Variants in MAP3K14 observed in about 807,000 individuals in gnomAD.
MAP3K14 encodes NF-kappa-beta-inducing kinase.
MAP3K14 carries 16 observed loss-of-function variants against 99.2 expected under a neutral mutation model. The observed-to-expected ratio is 0.16, with a 90% CI of 0.11 to 0.24. MAP3K14 has a LOEUF of 0.24. Among genes scored for constraint, MAP3K14 ranks in the 10% least tolerant of loss-of-function variants. MAP3K14 has a pLI of 1.00. For missense variants in MAP3K14, 784 were observed against 1,208.7 expected, an observed-to-expected ratio of 0.65 and a Z score of 5.21; for synonymous variants, 462 against 492.4, an observed-to-expected ratio of 0.94 and a Z score of 0.82.
At chr17:45,283,579 A>T (rs1243606968) in intron 6 of MAP3K14, among the ~76,000 whole-genome samples, 1 of 152,158 alleles carries the variant, frequency 6.6e-6, no homozygotes, top group Non-Finnish European at 1.5e-5. Context: ...CGGTGGTGGC[A>T]GCGTCTGCTC....
intron 1 of MAP3K14, among the ~76,000 whole-genome samples, chr17:45,306,824 C>T (rs2044434048): frequency 6.6e-6 from 1 of 152,114 alleles, no homozygotes; most frequent in African/African-American, 2.4e-5. Flanking sequence ...GAAAAGACGC[C>T]ACAGGGGGCA....
intron 9 of MAP3K14, among the ~76,000 whole-genome samples, chr17:45,271,939 C>T (rs568668064): frequency 6.6e-6 from 1 of 152,092 alleles, no homozygotes; most frequent in East Asian, 1.9e-4. Flanking sequence ...GCGTAAAAGA[C>T]TGAAAGGATA....
rs139725311 is a variant in MAP3K14, at chr17:45,275,356, T to A, written c.1291-763A>T. Among the ~76,000 whole-genome samples the A allele has an allele frequency of 8.0e-3, 1,205 of 151,562 alleles. 15 individuals are homozygous for A. Among genetic ancestry groups the A allele is most frequent in the Middle Eastern group, 0.058 (17 of 294 alleles). On this transcript the variant is annotated intron_variant, in intron 6 of 15. Transcript: ENST00000344686. ...GGTGGCACGTGGCTGTAATCCCAGC[T>A]ACTTGGGAGGCTGAGGCAGGAGAAT...
chr17:45,305,395 CG>C (rs2044423261), intron 1 of MAP3K14, among the ~76,000 whole-genome samples: 1 of 129,564 alleles, frequency 7.7e-6, no homozygotes, highest in South Asian at 2.5e-4. Context: ...AGCGCCCGGC[CG>C]TTTTTTTTTT....
intron 1 of MAP3K14, among the ~76,000 whole-genome samples, chr17:45,297,675 T>C (rs2044355964): frequency 6.6e-6 from 1 of 151,810 alleles, no homozygotes; most frequent in African/African-American, 2.4e-5. Context: ...AATATGTTGG[T>C]CAATTTAATT....
rs1281234590 is a variant in MAP3K14, at chr17:45,274,480, G to A, written c.1404C>T (p.Phe468=). 1.2e-6 allele frequency: 2 copies of A among 1,613,818 alleles called. No individual in the cohort carries two copies. The highest frequency in any genetic ancestry group is 2.7e-5 in the African/African-American group (2 of 74,944). The change falls in exon 7 of 16, where the codon TTC becomes TTT. Residue 468 remains phenylalanine (F), a synonymous_variant. Coordinates refer to ENST00000344686, the MANE Select transcript of MAP3K14 (RefSeq NM_003954.5). Reference sequence around the variant, plus strand: ...GCTCCTTACCTTCCAGCAGCTCCATGAAGATGTTGACCCAAGGCCCTTCTC... The same window carrying A: ...GCTCCTTACCTTCCAGCAGCTCCATAAAGATGTTGACCCAAGGCCCTTCTC... ...AVREGPWVNI[F]MELLEGGSLG... is the part of the protein sequence containing the mutation.
chr17:45,284,146 TACTCAAAACTCTAGG>T (rs1433626504), intron 6 of MAP3K14, among the ~76,000 whole-genome samples: 2 of 152,224 alleles, frequency 1.3e-5, no homozygotes, highest in Non-Finnish European at 2.9e-5. Context: ...CTTCTGTCTC[TACTCAAAACTCTAGG>T]ACAAGAAGTC....
rs530698406 is a variant in MAP3K14, at chr17:45,316,040, C to T, written c.-21+920G>A. ...ATTTAATTTCATGTGCTTTTAAAGT[C>T]CTTAATTAAGTCATTGGTGTTCATT... On this transcript the variant is annotated intron_variant, in intron 1 of 15. Coordinates refer to ENST00000344686, the MANE Select transcript of MAP3K14 (RefSeq NM_003954.5). Among the ~76,000 whole-genome samples the T allele has an allele frequency of 3.9e-5, 6 of 152,256 alleles. No homozygotes were observed. In the East Asian group the frequency reaches 9.6e-4, roughly 24 times the overall value.
chr17:45,310,817 TATCA>T (rs2044470665), intron 1 of MAP3K14, among the ~76,000 whole-genome samples: 1 of 152,198 alleles, frequency 6.6e-6, no homozygotes, highest in Non-Finnish European at 1.5e-5. Context: ...TGTATTTTCT[TATCA>T]ACCTTGACCT....
At chr17:45,278,209 G>T (rs143064580) in intron 6 of MAP3K14, among the ~76,000 whole-genome samples, 1 of 152,206 alleles carries the variant, frequency 6.6e-6, no homozygotes, top group Non-Finnish European at 1.5e-5. Context: ...AGAGTGTCCC[G>T]TCCATGCTAA....
chr17:45,303,955 A>C (rs537944630), intron 1 of MAP3K14, among the ~76,000 whole-genome samples: 18 of 151,876 alleles, frequency 1.2e-4, no homozygotes, highest in Non-Finnish European at 2.2e-4. Context: ...CTTTCACTTA[A>C]GATACTATGA....
intron 6 of MAP3K14, among the ~76,000 whole-genome samples, chr17:45,278,590 A>G (rs972867743): frequency 6.6e-6 from 1 of 152,164 alleles, no homozygotes; most frequent in African/African-American, 2.4e-5. Context: ...GTCACTGGGT[A>G]TAAGAGATCA....
intron 11 of MAP3K14, among the ~76,000 whole-genome samples, chr17:45,269,309 G>A (rs2044124054): frequency 6.6e-6 from 1 of 152,110 alleles, no homozygotes; most frequent in African/African-American, 2.4e-5. Flanking sequence ...ACTGCTCCCG[G>A]CCTGTCTTTA....
At chr17:45,282,680 G>A (rs983575260) in intron 6 of MAP3K14, among the ~76,000 whole-genome samples, 1 of 152,154 alleles carries the variant, frequency 6.6e-6, no homozygotes, top group African/African-American at 2.4e-5. Flanking sequence ...GGGAGTGCTG[G>A]CACTGCCACG....
At position 45,266,602 on chromosome 17, in the gene MAP3K14, C is replaced by T. The variant is rs371995924; in HGVS notation, c.2513G>A (p.Arg838Gln). The T allele has an allele frequency of 2.2e-5, 35 of 1,613,540 alleles. No individual in the cohort carries two copies. Among genetic ancestry groups the T allele is most frequent in the South Asian group, 1.1e-4 (10 of 91,066 alleles). ...VHSWSSQAEA[R>Q]SSSWNMVLAR... ...CAGCACCATGTTCCAGCTGGAGCTT[C>T]GAGCCTCGGCCTGGCTGCTCCAGGA... is the stretch of plus-strand genomic sequence containing the variant. The change falls in exon 14 of 16, where the codon CGA (arginine) becomes CAA (glutamine). Residue 838 changes from arginine to glutamine, a missense_variant. Physicochemically the swap from Arg to Gln is conservative, Grantham distance 43 (BLOSUM62 1). This residue lies in a region of MAP3K14 where 130 missense variants were observed against 220.4 expected (regional missense o/e 0.59). Coordinates refer to ENST00000344686, the MANE Select transcript of MAP3K14 (RefSeq NM_003954.5).
chr17:45,276,652 C>T (rs929587877), intron 6 of MAP3K14, among the ~76,000 whole-genome samples: 7 of 151,532 alleles, frequency 4.6e-5, no homozygotes, highest in Non-Finnish European at 8.8e-5. Context: ...GCTGGGATTA[C>T]AGGCACCTGC....
chr17:45,268,615 C>G (rs2044117215), intron 11 of MAP3K14: 1 of 152,056 alleles, frequency 6.6e-6, no homozygotes, highest in South Asian at 2.1e-4. Flanking sequence ...GTGTCGGGTT[C>G]TCTTTTCACT....
intron 6 of MAP3K14, among the ~76,000 whole-genome samples, chr17:45,275,277 G>C (rs906155170): frequency 3.3e-5 from 5 of 151,892 alleles, no homozygotes; most frequent in Non-Finnish European, 7.4e-5. Flanking sequence ...AGACCATCTT[G>C]GCCAACATGG....
chr17:45,267,677 G>A lies in MAP3K14; in HGVS notation c.2055C>T (p.Thr685=). ...PPPNQANYHQ[T]LHAQPRELSP... Reference sequence around the variant, plus strand: ...AAAGCTCTCTCGGCTGGGCATGGAGGGTCTGGTGGTAATTGGCTTGATTTG... The same window carrying A: ...AAAGCTCTCTCGGCTGGGCATGGAGAGTCTGGTGGTAATTGGCTTGATTTG... Residue 685 remains threonine, a synonymous_variant, in exon 12 of 16, where the codon ACC becomes ACT. Coordinates refer to ENST00000344686, the MANE Select transcript of MAP3K14 (RefSeq NM_003954.5). This position sits in a 1 kb window ranked among gnomAD's most constrained non-coding sequence, Gnocchi z 5.1. 1 of 1,613,932 alleles carries A rather than the reference G, an allele frequency of 6.2e-7. No individual in the cohort carries two copies. The highest frequency in any genetic ancestry group is 8.5e-7 in the Non-Finnish European group (1 of 1,179,866).
Sources: gnomAD v4.1 joint callset for allele counts (sites outside exome capture counted in the v4.1 genomes callset) on GRCh38, gnomAD v4.1.1 for gene constraint, gnomAD v4.1.1 regional missense constraint, Gnocchi (gnomAD v3.1) non-coding constraint, MANE v1.5 for transcripts, NCBI Gene and HGNC (gene_info 2026-07-23, HGNC 2026-07-21) for gene names.